Variants in MITF observed in about 807,000 individuals in gnomAD.
The protein encoded by MITF is microphthalmia-associated transcription factor.
Under a neutral mutation model 60.5 loss-of-function variants are expected in MITF, and 17 were observed. The ratio of observed to expected loss-of-function variants is 0.28; its 90% CI spans 0.19 to 0.42. The LOEUF is 0.42. Among genes scored for constraint, MITF ranks in the 10% least tolerant of loss-of-function variants. The pLI, the probability that MITF is intolerant of heterozygous loss-of-function variation, is 1.00. For missense variants in MITF, 622 were observed against 683.5 expected, an observed-to-expected ratio of 0.91 and a Z score of 1.00; for synonymous variants, 260 against 248.5, an observed-to-expected ratio of 1.05 and a Z score of -0.43.
intron 2 of MITF, among the ~76,000 whole-genome samples, chr3:69,881,077 G>T (rs1056333480): frequency 1.3e-5 from 2 of 151,906 alleles, no homozygotes; most frequent in African/African-American, 4.8e-5. Flanking sequence ...TATTATTTTT[G>T]AAAATGATTA....
chr3:69,804,120 A>G (rs144209904), intron 1 of MITF, among the ~76,000 whole-genome samples: 135 of 152,302 alleles, frequency 8.9e-4, no homozygotes, highest in African/African-American at 3.1e-3. Context: ...AAATGTCTAA[A>G]TAGTTTAATT....
At chr3:69,799,799 G>A (rs1029821937) in intron 1 of MITF, among the ~76,000 whole-genome samples, 39 of 151,986 alleles carry the variant, frequency 2.6e-4, no homozygotes, top group African/African-American at 8.5e-4. Flanking sequence ...TTTGTTGTTC[G>A]TGTCACTGAA....
At position 69,764,924 on chromosome 3, in the gene MITF, G is replaced by A. The variant is rs2062266626; in HGVS notation, c.104+25223G>A. 2.0e-5 allele frequency among the ~76,000 whole-genome samples: 3 copies of A among 152,070 alleles called. No homozygotes were observed. The South Asian group carries it at 6.2e-4, about 32-fold the overall frequency. The stretch of plus-strand genomic sequence containing the variant: ...GCTTGCCTCTCCTTGTTTTAACAGT[G>A]GGAGTCTGGGCCTCAGGCTTTCTTA... On this transcript the variant is annotated intron_variant, in intron 1 of 9. Transcript: ENST00000352241.
intron 1 of MITF, among the ~76,000 whole-genome samples, chr3:69,870,246 G>A (rs972278302): frequency 4.0e-5 from 6 of 148,362 alleles, no homozygotes; most frequent in Non-Finnish European, 5.9e-5. Context: ...ACAAATCAGA[G>A]TTGGTAAATG....
At chr3:69,745,663 AC>A (rs1279032290) in intron 1 of MITF, among the ~76,000 whole-genome samples, 1 of 152,064 alleles carries the variant, frequency 6.6e-6, no homozygotes, top group Non-Finnish European at 1.5e-5. Flanking sequence ...GTCTCCAGGC[AC>A]CTGATGATAC....
At chr3:69,911,248 G>A (rs905754754) in intron 2 of MITF, among the ~76,000 whole-genome samples, 7 of 152,152 alleles carry the variant, frequency 4.6e-5, no homozygotes, top group African/African-American at 1.7e-4. Flanking sequence ...GTGTGGAACT[G>A]TAAGTCCAAT....
intron 1 of MITF, among the ~76,000 whole-genome samples, chr3:69,836,675 GA>G (rs1046478678): frequency 1.6e-3 from 251 of 152,320 alleles, no homozygotes; most frequent in African/African-American, 5.8e-3. Flanking sequence ...GACAGGGTGG[GA>G]TAACAGTCAA....
chr3:69,743,141 C>A (rs1703592867), intron 1 of MITF, among the ~76,000 whole-genome samples: 2 of 152,124 alleles, frequency 1.3e-5, no homozygotes, highest in South Asian at 4.1e-4. Flanking sequence ...GCAGGATGTC[C>A]AGCAGCATCC....
intron 1 of MITF, among the ~76,000 whole-genome samples, chr3:69,858,973 A>G (rs1168257641): frequency 1.3e-5 from 2 of 152,144 alleles, no homozygotes; most frequent in African/African-American, 4.8e-5. Context: ...TACTTTTCAT[A>G]CTTTATCTCA....
At chr3:69,768,017 C>T (rs572304048) in intron 1 of MITF, among the ~76,000 whole-genome samples, 44 of 152,308 alleles carry the variant, frequency 2.9e-4, no homozygotes, top group Admixed American at 7.8e-4. Flanking sequence ...TTGTTCATTT[C>T]TTTATCATGT....
chr3:69,847,178 T>C (rs896391195), intron 1 of MITF, among the ~76,000 whole-genome samples: 1 of 152,182 alleles, frequency 6.6e-6, no homozygotes, highest in African/African-American at 2.4e-5. Context: ...TCTTAGTTGT[T>C]GTATCCGTTT....
chr3:69,868,797 G>A (rs945951267), intron 1 of MITF, among the ~76,000 whole-genome samples: 1 of 151,654 alleles, frequency 6.6e-6, no homozygotes, highest in African/African-American at 2.4e-5. Flanking sequence ...TACTATGGAG[G>A]CTGAGAAAGG....
At chr3:69,937,681 A>G (rs1468071901) in intron 2 of MITF, 141 bp from the exon 3 acceptor site, 2 of 746,378 alleles carry the variant, frequency 2.7e-6, no homozygotes, top group Non-Finnish European at 4.7e-6. Context: ...ATCCGTTAGC[A>G]CAGTGCCTGG....
chr3:69,748,354 C>T (rs1001963100), intron 1 of MITF, among the ~76,000 whole-genome samples: 5 of 152,164 alleles, frequency 3.3e-5, no homozygotes, highest in Admixed American at 2.0e-4. Flanking sequence ...GTAGTCCTGC[C>T]TCAGCCTCCC....
intron 1 of MITF, among the ~76,000 whole-genome samples, chr3:69,798,190 A>C (rs2062860923): frequency 6.6e-6 from 1 of 152,216 alleles, no homozygotes; most frequent in South Asian, 2.1e-4. Context: ...AGCCCAGTTG[A>C]TAGAAATGTG....
At chr3:69,792,026 C>G (rs190688102) in intron 1 of MITF, among the ~76,000 whole-genome samples, 2 of 152,178 alleles carry the variant, frequency 1.3e-5, no homozygotes, top group Non-Finnish European at 2.9e-5. Context: ...GAAGTAGAGA[C>G]GGATGTGCTG....
chr3:69,800,058 A>G (rs1157634279), intron 1 of MITF, among the ~76,000 whole-genome samples: 1 of 152,192 alleles, frequency 6.6e-6, no homozygotes, highest in Non-Finnish European at 1.5e-5. Context: ...ATCTAATTCC[A>G]AAACATTTCC....
chr3:69,744,582 A>G (rs1431695960), intron 1 of MITF, among the ~76,000 whole-genome samples: 1 of 152,244 alleles, frequency 6.6e-6, no homozygotes, highest in Non-Finnish European at 1.5e-5. Flanking sequence ...GTAAGTGCTC[A>G]GTGCTGACAC....
At chr3:69,741,295 C>A (rs185676418) in intron 1 of MITF, among the ~76,000 whole-genome samples, 1 of 152,234 alleles carries the variant, frequency 6.6e-6, no homozygotes, top group East Asian at 1.9e-4. Context: ...ACTGGGCAGT[C>A]TCTGCTTTTG....
Sources: gnomAD v4.1 joint callset for allele counts (sites outside exome capture counted in the v4.1 genomes callset) on GRCh38, gnomAD v4.1.1 for gene constraint, MANE v1.5 for transcripts, NCBI Gene and HGNC (gene_info 2026-07-23, HGNC 2026-07-21) for gene names.